Variants in BRIP1 observed in about 807,000 individuals in gnomAD.
BRIP1 encodes BRCA1 interacting DNA helicase 1, also known as Fanconi anemia group J protein.
A neutral mutation model predicts 119.7 loss-of-function variants in BRIP1; 88 were observed. The observed-to-expected ratio is 0.74, with a 90% CI of 0.62 to 0.88. The LOEUF (loss-of-function observed/expected upper bound fraction) is 0.88. Among genes scored for constraint, BRIP1 ranks in the 40% least tolerant of loss-of-function variants. The pLI is 0.00. For missense variants in BRIP1, 1,259 were observed against 1,455.4 expected (o/e 0.87, Z 2.20); for synonymous variants, 443 against 496.5 (o/e 0.89, Z 1.43).
Position 61,807,334 on chromosome 17 carries a change from A to G in BRIP1, c.918+1133T>C, listed in dbSNP as rs2078088794. On this transcript the variant is annotated intron_variant, in intron 7 of 19. Coordinates refer to ENST00000259008, the MANE Select transcript of BRIP1 (RefSeq NM_032043.3). This position sits in a 1 kb window ranked among gnomAD's most constrained non-coding sequence, Gnocchi z 4.5. ...AGTTAGAAATAACTCTTTGGAAATA[A>G]ATATGACTGTAGGATTTCAACAATG... Among the ~76,000 whole-genome samples, 1 of 152,228 alleles carries G rather than the reference A, an allele frequency of 6.6e-6. No homozygotes were observed. Among genetic ancestry groups the G allele is most frequent in the East Asian group, 1.9e-4 (1 of 5,204 alleles).
At position 61,679,734 on chromosome 17, in the gene BRIP1, T is replaced by C. The variant is rs1394954882; in HGVS notation, c.*3562A>G. Among the ~76,000 whole-genome samples the C allele has an allele frequency of 3.3e-5, 5 of 152,196 alleles. No homozygotes were observed. The highest frequency in any genetic ancestry group is 1.2e-4 in the African/African-American group (5 of 41,450). The stretch of plus-strand genomic sequence containing the variant: ...CTAATTAATAATGAATAACTTGCAA[T>C]GTGCCAGGTGCTCTTTTAAAAGCAT... On this transcript the variant is annotated 3_prime_UTR_variant, in exon 20 of 20. Coordinates refer to ENST00000259008, the MANE Select transcript of BRIP1 (RefSeq NM_032043.3). The surrounding 1 kb of genome is among the most constrained non-coding windows in gnomAD (Gnocchi z 4.4).
In BRIP1 at chr17:61,747,800, A is replaced by T. The variant is rs2144729904; in HGVS notation, c.2098-3209T>A. Among the ~76,000 whole-genome samples, 2 of 152,024 alleles carry T rather than the reference A, an allele frequency of 1.3e-5. 1 individual carries two copies. On this transcript the variant is annotated intron_variant, in intron 14 of 19. Transcript: ENST00000259008. ...ACCCAGGCTGGAGTGTAGTAATGTG[A>T]TCATAGTTCACTGTAACCTCAAACT...
chr17:61,742,971 A>G lies in BRIP1; in HGVS notation c.2379+42T>C, dbSNP rs771441794. On this transcript the variant is annotated intron_variant, in intron 16 of 19. Coordinates refer to ENST00000259008, the MANE Select transcript of BRIP1 (RefSeq NM_032043.3). This position sits in a 1 kb window ranked among gnomAD's most constrained non-coding sequence, Gnocchi z 4.7. ...CTGCAATTAACTTTATACAAAACCAATGACTCCTGTAATAATAAAACTTAA... is the reference window on the plus strand; with the variant it reads ...CTGCAATTAACTTTATACAAAACCAGTGACTCCTGTAATAATAAAACTTAA... 4 of 1,609,064 alleles carry G rather than the reference A, an allele frequency of 2.5e-6. No homozygotes were observed. Among genetic ancestry groups the G allele is most frequent in the South Asian group, 2.2e-5 (2 of 90,836 alleles).
Position 61,804,424 on chromosome 17 carries a change from G to GTA in BRIP1, c.919-2951_919-2950insTA. Among the ~76,000 whole-genome samples the GTA allele has an allele frequency of 1.9e-5, 2 of 104,826 alleles. 1 individual carries two copies. Among genetic ancestry groups the GTA allele is most frequent in the East Asian group, 6.1e-4 (2 of 3,302 alleles). 68.8% of individuals were successfully genotyped at this position (104,826 alleles called of 152,430 possible). A position where few individuals can be genotyped will look rare whatever the true frequency, so the allele number is the denominator to read the frequency against. The stretch of plus-strand genomic sequence containing the variant: ...GCTATATACATATGTGTGTGTGTGT[G>GTA]TGTGTGTGTGTGTGTGTGTGTGTAT... On this transcript the variant is annotated intron_variant, in intron 7 of 19. Transcript: ENST00000259008. This position sits in a 1 kb window ranked among gnomAD's most constrained non-coding sequence, Gnocchi z 4.5.
rs147119272 is a variant in BRIP1 at position 61,683,976 on chromosome 17, C to T, written c.3070G>A (p.Gly1024Arg). ...CTAGAGGCACTATTCTCTGATGACC[C>T]GAGCTCAGGTGTTGCCTTCGGTATT... ...GKIPKATPEL[G>R]SSENSASSPP... The change falls in exon 20 of 20, where the codon GGG (glycine) becomes AGG (arginine). Residue 1024 changes from glycine (G) to arginine (R), a missense_variant. Physicochemically the swap from Gly to Arg is moderately radical, Grantham distance 125. Coordinates refer to ENST00000259008, the MANE Select transcript of BRIP1 (RefSeq NM_032043.3). The surrounding 1 kb of genome is among the most constrained non-coding windows in gnomAD (Gnocchi z 4.7). 8 of 1,614,022 alleles carry T rather than the reference C, an allele frequency of 5.0e-6. No individual in the cohort carries two copies. The highest frequency in any genetic ancestry group is 2.2e-5 in the South Asian group (2 of 91,082).
chr17:61,683,246 T>C lies in BRIP1; in HGVS notation c.*50A>G. The C allele has an allele frequency of 6.4e-7, 1 of 1,553,864 alleles. No individual in the cohort carries two copies. The highest frequency in any genetic ancestry group is 8.8e-7 in the Non-Finnish European group (1 of 1,133,640). ...ACAAATTATTACTTACAACAGAGTT[T>C]AACATAAGCATGATGACATATTTTT... On this transcript the variant is annotated 3_prime_UTR_variant, in exon 20 of 20. Coordinates refer to ENST00000259008, the MANE Select transcript of BRIP1 (RefSeq NM_032043.3). The surrounding 1 kb of genome is among the most constrained non-coding windows in gnomAD (Gnocchi z 4.7).
Position 61,808,891 on chromosome 17 carries a change from T to C in BRIP1, c.628-134A>G. On this transcript the variant is annotated intron_variant, in intron 6 of 19. Transcript: ENST00000259008. The surrounding 1 kb of genome is among the most constrained non-coding windows in gnomAD (Gnocchi z 4.1). ...AAAGAGAAATAACAAGAAATTATAG[T>C]ATCTAAAACTTGCCATTAAAGAAAA... is the stretch of plus-strand genomic sequence containing the variant. 1.1e-6 allele frequency: 1 copy of C among 894,728 alleles called. No homozygotes were observed. Among genetic ancestry groups the C allele is most frequent in the East Asian group, 2.6e-5 (1 of 37,794 alleles). The allele number at this position is 894,728 out of a possible 1,614,324, so 55.4% of individuals were successfully genotyped here.
rs2061583318 is a variant in BRIP1, at chr17:61,699,695, G to T, written c.2493-6183C>A. Among the ~76,000 whole-genome samples, 1 of 152,188 alleles carries T rather than the reference G, an allele frequency of 6.6e-6. No homozygotes were observed. Among genetic ancestry groups the T allele is most frequent in the South Asian group, 2.1e-4 (1 of 4,828 alleles). Reference sequence around the variant, plus strand: ...TGTTTAAAGGTGTTCCTGGGCTGATGAATGAAAACTTAGATTCAGGAGGGT... The same window carrying T: ...TGTTTAAAGGTGTTCCTGGGCTGATTAATGAAAACTTAGATTCAGGAGGGT... On this transcript the variant is annotated intron_variant, in intron 17 of 19. Coordinates refer to ENST00000259008, the MANE Select transcript of BRIP1 (RefSeq NM_032043.3). The surrounding 1 kb of genome is among the most constrained non-coding windows in gnomAD (Gnocchi z 4.8).
At chr17:61,719,297 AAC>A (rs1339628033) in intron 16 of BRIP1, among the ~76,000 whole-genome samples, 2 of 152,164 alleles carry the variant, frequency 1.3e-5, no homozygotes, top group African/African-American at 4.8e-5. Flanking sequence ...TGGAATACTA[AAC>A]AGTCATAAAA....
chr17:61,775,384 A>T lies in BRIP1; in HGVS notation c.2097+1017T>A, dbSNP rs924968267. On this transcript the variant is annotated intron_variant, in intron 14 of 19. Coordinates refer to ENST00000259008, the MANE Select transcript of BRIP1 (RefSeq NM_032043.3). The surrounding 1 kb of genome is among the most constrained non-coding windows in gnomAD (Gnocchi z 4.4). The stretch of plus-strand genomic sequence containing the variant: ...CTAGCTATCAAAGTACATATATATA[A>T]AAAGACAGTAGAAGAGTCAAAAGTA... Among the ~76,000 whole-genome samples, 1 of 152,174 alleles carries T rather than the reference A, an allele frequency of 6.6e-6. No individual in the cohort carries two copies. Among genetic ancestry groups the T allele is most frequent in the Non-Finnish European group, 1.5e-5 (1 of 68,010 alleles).
rs2077901174 is a variant in BRIP1 at position 61,796,470 on chromosome 17, G to A, written c.1340+2630C>T. Among the ~76,000 whole-genome samples the A allele has an allele frequency of 6.6e-6, 1 of 151,938 alleles. No individual in the cohort carries two copies. The highest frequency in any genetic ancestry group is 2.1e-4 in the South Asian group (1 of 4,828). ...AGGGGTCTTGTTTTATTCTCCTGTA[G>A]ATGGATATCCAGTTTTCCCGGCACC... On this transcript the variant is annotated intron_variant, in intron 9 of 19. Coordinates refer to ENST00000259008, the MANE Select transcript of BRIP1 (RefSeq NM_032043.3). The surrounding 1 kb of genome is among the most constrained non-coding windows in gnomAD (Gnocchi z 4.8).
At position 61,847,165 on chromosome 17, in the gene BRIP1, T is replaced by A. The variant is rs2145743682; in HGVS notation, c.563A>T (p.Asp188Val). The A allele has an allele frequency of 6.2e-7, 1 of 1,613,726 alleles. No individual in the cohort carries two copies. Among genetic ancestry groups the A allele is most frequent in the Non-Finnish European group, 8.5e-7 (1 of 1,179,668 alleles). Reference protein sequence around the residue: ...TEVHNLDAKVDSGKTVKLNSP... With the variant: ...TEVHNLDAKVVSGKTVKLNSP... ...GTTGAGTTTTACAGTCTTTCCTGAA[T>A]CAACTTTTGCATCCAAATTGTGTAC... Residue 188 changes from aspartate (D) to valine (V), a missense_variant, in exon 6 of 20, where the codon GAT becomes GTT. Coordinates refer to ENST00000259008, the MANE Select transcript of BRIP1 (RefSeq NM_032043.3).
chr17:61,850,291 G>A (rs547649221), intron 4 of BRIP1, among the ~76,000 whole-genome samples: 4 of 151,500 alleles, frequency 2.6e-5, no homozygotes, highest in African/African-American at 7.3e-5. Flanking sequence ...TAATAGAGAC[G>A]GGGTTTCTCC....
At chr17:61,855,443 G>A (rs1253311348) in intron 4 of BRIP1, among the ~76,000 whole-genome samples, 2 of 151,956 alleles carry the variant, frequency 1.3e-5, no homozygotes, top group East Asian at 3.9e-4. Context: ...GCTGGGTGTG[G>A]TGGCAGGCGC....
rs1326576998 is a variant in BRIP1, at chr17:61,713,169, T to G, written c.2492+2782A>C. Among the ~76,000 whole-genome samples, 1 of 152,192 alleles carries G rather than the reference T, an allele frequency of 6.6e-6. No individual in the cohort carries two copies. The highest frequency in any genetic ancestry group is 1.5e-5 in the Non-Finnish European group (1 of 68,036). On this transcript the variant is annotated intron_variant, in intron 17 of 19. Transcript: ENST00000259008. The surrounding 1 kb of genome is among the most constrained non-coding windows in gnomAD (Gnocchi z 4.9). ...GATGCTGGTGTAAACAAACCTACTG[T>G]GCTGCTAGTCTTATAAAAGTATAGC...
At chr17:61,835,507 C>T (rs920173617) in intron 6 of BRIP1, among the ~76,000 whole-genome samples, 6 of 151,600 alleles carry the variant, frequency 4.0e-5, no homozygotes, top group Admixed American at 2.6e-4. Flanking sequence ...TATCTAAAAC[C>T]GAAAACTCAA....
chr17:61,776,519 A>T lies in BRIP1; in HGVS notation c.1979T>A (p.Leu660His). 6.2e-7 allele frequency: 1 copy of T among 1,614,192 alleles called. No individual in the cohort carries two copies. The highest frequency in any genetic ancestry group is 8.5e-7 in the Non-Finnish European group (1 of 1,180,026). The change falls in exon 14 of 20, where the codon CTC (leucine) becomes CAC (histidine). Residue 660 changes from leucine (L) to histidine (H), a missense_variant. This residue lies in a region of BRIP1 where 753 missense variants were observed against 891.8 expected (regional missense o/e 0.84). Transcript: ENST00000259008. The surrounding 1 kb of genome is among the most constrained non-coding windows in gnomAD (Gnocchi z 5.0). ...TIGSGPKGRNLCATFQNTETF... is the reference protein window; with the variant it reads ...TIGSGPKGRNHCATFQNTETF... ...TTCAGTATTCTGGAAGGTAGCACAG[A>T]GATTCCGACCCTTGGGGCCTGACCC...
chr17:61,681,227 G>A lies in BRIP1; in HGVS notation c.*2069C>T. 5.0e-6 allele frequency: 1 copy of A among 201,338 alleles called. No homozygotes were observed. Among genetic ancestry groups the A allele is most frequent in the South Asian group, 1.9e-4 (1 of 5,242 alleles). The allele number at this position is 201,338 out of a possible 1,614,324, so 12.5% of individuals were successfully genotyped here. ...CTGGCTGGGGACATAGCCAAACCAC[G>A]TCACCATCGTTCCCTAAATGTAAAT... On this transcript the variant is annotated 3_prime_UTR_variant, in exon 20 of 20. Coordinates refer to ENST00000259008, the MANE Select transcript of BRIP1 (RefSeq NM_032043.3). The surrounding 1 kb of genome is among the most constrained non-coding windows in gnomAD (Gnocchi z 5.1).
chr17:61,811,608 A>T (rs2078163418), intron 6 of BRIP1, among the ~76,000 whole-genome samples: 1 of 152,038 alleles, frequency 6.6e-6, no homozygotes, highest in African/African-American at 2.4e-5. Context: ...GCATTATTAA[A>T]CAGGAATTAT....
Sources: gnomAD v4.1 joint callset for allele counts (sites outside exome capture counted in the v4.1 genomes callset) on GRCh38, gnomAD v4.1.1 for gene constraint, gnomAD v4.1.1 regional missense constraint, Gnocchi (gnomAD v3.1) non-coding constraint, MANE v1.5 for transcripts, NCBI Gene and HGNC (gene_info 2026-07-23, HGNC 2026-07-21) for gene names.